The following VWC2 variants were observed in gnomAD, a reference collection of about 807,000 sequenced individuals.
VWC2 encodes brorin.
A neutral mutation model predicts 29.8 loss-of-function variants in VWC2; 14 were observed. That is an observed-to-expected ratio of 0.47 (90% CI 0.31 to 0.74). VWC2 has a LOEUF of 0.74. Ranked by LOEUF, VWC2 falls within the 30% of genes least tolerant of loss-of-function variation. VWC2 has a pLI of 0.05. For synonymous variants in VWC2, 213 were observed against 199.0 expected, an observed-to-expected ratio of 1.07 and a Z score of -0.59; for missense variants, 457 against 459.8, an observed-to-expected ratio of 0.99 and a Z score of 0.05.
chr7:49,777,447 G>T (rs778783247), intron 2 of VWC2, among the ~76,000 whole-genome samples: 9 of 152,214 alleles, frequency 5.9e-5, no homozygotes, highest in African/African-American at 1.7e-4. Flanking sequence ...AGGAAACATG[G>T]TTATTCATTC....
At position 49,861,579 on chromosome 7, in the gene VWC2, A is replaced by C. The variant is rs141321041; in HGVS notation, c.827-50455A>C. On this transcript the variant is annotated intron_variant, in intron 3 of 3. Coordinates refer to ENST00000340652, the MANE Select transcript of VWC2 (RefSeq NM_198570.5). ...AGAATCTGCTGCCAAATTCTGGGTAAGAAAGATTTAAACCTTTATTTTCTT... is the reference window on the plus strand; with the variant it reads ...AGAATCTGCTGCCAAATTCTGGGTACGAAAGATTTAAACCTTTATTTTCTT... Among the ~76,000 whole-genome samples the C allele has an allele frequency of 6.6e-3, 1,009 of 152,254 alleles. 12 individuals carry two copies. Among genetic ancestry groups the C allele is most frequent in the African/African-American group, 0.023 (964 of 41,552 alleles).
intron 2 of VWC2, among the ~76,000 whole-genome samples, chr7:49,788,718 G>C (rs1583626619): frequency 7.0e-6 from 1 of 142,314 alleles, no homozygotes; most frequent in Admixed American, 6.9e-5. Flanking sequence ...AGGATGTATG[G>C]GTGTGGGGTG....
chr7:49,921,615 G>A lies in VWC2; in HGVS notation c.*9430G>A, dbSNP rs894198751. The A allele has an allele frequency of 3.9e-5, 6 of 152,056 alleles. No homozygotes were observed. The highest frequency in any genetic ancestry group is 1.4e-4 in the African/African-American group (6 of 41,404). The allele number at this position is 152,056 out of a possible 1,614,324, so 9.4% of individuals were successfully genotyped here. On this transcript the variant is annotated 3_prime_UTR_variant, in exon 4 of 4. Transcript: ENST00000340652. The stretch of plus-strand genomic sequence containing the variant: ...TGAGTGAATATTTGTAAAACACGTA[G>A]CCTAGAATAGATATTTATAAAGCAC...
intron 2 of VWC2, among the ~76,000 whole-genome samples, chr7:49,783,227 A>G (rs971394479): frequency 1.3e-5 from 2 of 152,072 alleles, no homozygotes; most frequent in Admixed American, 1.3e-4. Flanking sequence ...CCTGGGCTGC[A>G]TCCTAGAGAT....
At chr7:49,822,625 G>A (rs771425358) in intron 3 of VWC2, among the ~76,000 whole-genome samples, 7 of 152,178 alleles carry the variant, frequency 4.6e-5, no homozygotes, top group Non-Finnish European at 1.0e-4. Flanking sequence ...TTTTAGTAGA[G>A]ACAGGATTTC....
chr7:49,819,256 C>G (rs560324096), intron 3 of VWC2, among the ~76,000 whole-genome samples: 1 of 152,356 alleles, frequency 6.6e-6, no homozygotes, highest in African/African-American at 2.4e-5. Flanking sequence ...TGGAACTCTA[C>G]AGGAGTTCAA....
chr7:49,820,215 C>T (rs549184391), intron 3 of VWC2, among the ~76,000 whole-genome samples: 4 of 152,216 alleles, frequency 2.6e-5, no homozygotes, highest in Non-Finnish European at 2.9e-5. Context: ...CCCACAGCCG[C>T]TCTGTAGCTC....
chr7:49,850,870 G>A (rs564692611), intron 3 of VWC2, among the ~76,000 whole-genome samples: 2 of 152,298 alleles, frequency 1.3e-5, no homozygotes, highest in African/African-American at 2.4e-5. Context: ...AGTGGACACC[G>A]CACCTCAGGA....
intron 3 of VWC2, among the ~76,000 whole-genome samples, chr7:49,902,838 C>A (rs1792844854): frequency 6.6e-6 from 1 of 151,972 alleles, no homozygotes; most frequent in African/African-American, 2.4e-5. Context: ...TAGAAAGCTA[C>A]AAGCTCAGAT....
intron 3 of VWC2, among the ~76,000 whole-genome samples, chr7:49,806,291 T>A (rs1046706774): frequency 1.3e-5 from 2 of 152,212 alleles, no homozygotes; most frequent in Non-Finnish European, 2.9e-5. Flanking sequence ...GTCATCTTAC[T>A]TTATGGATCC....
intron 3 of VWC2, among the ~76,000 whole-genome samples, chr7:49,893,649 T>TTTA (rs1554340898): frequency 1.3e-5 from 2 of 149,590 alleles, no homozygotes; most frequent in Non-Finnish European, 1.5e-5. Flanking sequence ...TTTTTTTTTT[T>TTTA]ATCCTTTTGA....
At chr7:49,860,129 A>G (rs1790592017) in intron 3 of VWC2, among the ~76,000 whole-genome samples, 1 of 152,104 alleles carries the variant, frequency 6.6e-6, no homozygotes, top group African/African-American at 2.4e-5. Context: ...TTGCCATTTT[A>G]ATCTTTTTAA....
chr7:49,796,516 G>C (rs933335042), intron 2 of VWC2, among the ~76,000 whole-genome samples: 3 of 152,208 alleles, frequency 2.0e-5, no homozygotes, highest in African/African-American at 7.2e-5. Flanking sequence ...CTCACAGAAA[G>C]ATGTGTTTGA....
intron 2 of VWC2, among the ~76,000 whole-genome samples, chr7:49,794,934 C>A (rs1473715612): frequency 6.6e-6 from 1 of 152,212 alleles, no homozygotes; most frequent in African/African-American, 2.4e-5. Context: ...CTTTAAAACT[C>A]TCAATATGCA....
chr7:49,861,023 T>G (rs1209306144), intron 3 of VWC2, among the ~76,000 whole-genome samples: 2 of 152,232 alleles, frequency 1.3e-5, no homozygotes, highest in African/African-American at 4.8e-5. Context: ...TCTAGGGAAC[T>G]AAGAAAGTAA....
intron 3 of VWC2, among the ~76,000 whole-genome samples, chr7:49,808,084 T>C (rs1291174728): frequency 6.6e-6 from 1 of 152,108 alleles, no homozygotes; most frequent in Non-Finnish European, 1.5e-5. Context: ...GGTCCTGTTC[T>C]TGGTGCATAT....
Position 49,914,022 on chromosome 7 carries a change from T to C in VWC2, c.*1837T>C, listed in dbSNP as rs1261015367. On this transcript the variant is annotated 3_prime_UTR_variant, in exon 4 of 4. Coordinates refer to ENST00000340652, the MANE Select transcript of VWC2 (RefSeq NM_198570.5). Reference sequence around the variant, plus strand: ...GAATTATTAGCTAATTGTTCTCAGGTGTAATCAGCTTTCCAAAATTTAACC... The same window carrying C: ...GAATTATTAGCTAATTGTTCTCAGGCGTAATCAGCTTTCCAAAATTTAACC... 6.6e-6 allele frequency: 1 copy of C among 152,208 alleles called. No individual in the cohort carries two copies. The highest frequency in any genetic ancestry group is 1.5e-5 in the Non-Finnish European group (1 of 68,028). 9.4% of individuals were successfully genotyped at this position (152,208 alleles called of 1,614,324 possible). A position where few individuals can be genotyped will look rare whatever the true frequency, so the allele number is the denominator to read the frequency against.
chr7:49,875,369 C>CGAAAAAA (rs1791360849), intron 3 of VWC2, among the ~76,000 whole-genome samples: 1 of 19,016 alleles, frequency 5.3e-5, no homozygotes, highest in African/African-American at 2.2e-4. Context: ...GATTCTGACT[C>CGAAAAAA]AAAAAAAAAA....
In VWC2 at chr7:49,914,252, C is replaced by T. The variant is rs1304866536; in HGVS notation, c.*2067C>T. The T allele has an allele frequency of 1.3e-5, 2 of 152,196 alleles. No individual in the cohort carries two copies. The highest frequency in any genetic ancestry group is 2.9e-5 in the Non-Finnish European group (2 of 68,032). The allele number at this position is 152,196 out of a possible 1,614,324, so 9.4% of individuals were successfully genotyped here. ...ATGCAGCTCAAAGTCTTCCTGTTTCCCTTAATAATAATTCCTACCAGAATG... is the reference window on the plus strand; with the variant it reads ...ATGCAGCTCAAAGTCTTCCTGTTTCTCTTAATAATAATTCCTACCAGAATG... On this transcript the variant is annotated 3_prime_UTR_variant, in exon 4 of 4. Coordinates refer to ENST00000340652, the MANE Select transcript of VWC2 (RefSeq NM_198570.5).
Sources: gnomAD v4.1 joint callset for allele counts (sites outside exome capture counted in the v4.1 genomes callset) on GRCh38, gnomAD v4.1.1 for gene constraint, MANE v1.5 for transcripts, NCBI Gene and HGNC (gene_info 2026-07-23, HGNC 2026-07-21) for gene names.